ANGPT2: variants seen among roughly 807,000 people sequenced by gnomAD.
ANGPT2 encodes angiopoietin-2.
In ANGPT2, 28 loss-of-function variants were observed where a neutral mutation model predicts 62.9. That is an observed-to-expected ratio of 0.44 (90% CI 0.33 to 0.61). The LOEUF is 0.61. ANGPT2 is among the 20% of genes least tolerant of loss of function. The pLI is 0.03. For missense variants in ANGPT2, 727 were observed against 594.9 expected (o/e 1.22, Z -2.31); for synonymous variants, 284 against 207.8 (o/e 1.37, Z -3.15).
chr8:6,530,397 T>C (rs770185450), intron 2 of ANGPT2, among the ~76,000 whole-genome samples: 2 of 150,800 alleles, frequency 1.3e-5, no homozygotes, highest in Non-Finnish European at 2.9e-5. Flanking sequence ...TAATCCCAGC[T>C]ACGCGGGAGG....
intron 1 of ANGPT2, among the ~76,000 whole-genome samples, chr8:6,553,355 T>C (rs1563115881): frequency 6.6e-6 from 1 of 152,234 alleles, no homozygotes; most frequent in African/African-American, 2.4e-5. Flanking sequence ...ACTTTCAGAT[T>C]GCACCAGTAA....
chr8:6,520,477 C>T (rs1332495039), intron 4 of ANGPT2, among the ~76,000 whole-genome samples: 1 of 152,122 alleles, frequency 6.6e-6, no homozygotes, highest in East Asian at 1.9e-4. Flanking sequence ...CTTACCGCAT[C>T]CTCCTCCTCC....
At chr8:6,557,475 A>G (rs1295526252) in intron 1 of ANGPT2, among the ~76,000 whole-genome samples, 1 of 152,126 alleles carries the variant, frequency 6.6e-6, no homozygotes, top group Non-Finnish European at 1.5e-5. Flanking sequence ...TTATATCAGA[A>G]TAATTCTAGA....
chr8:6,552,091 G>A (rs1307557904), intron 1 of ANGPT2, among the ~76,000 whole-genome samples: 1 of 152,182 alleles, frequency 6.6e-6, no homozygotes, highest in African/African-American at 2.4e-5. Context: ...CAGAGGAAAT[G>A]GTACCTCTAA....
intron 5 of ANGPT2, among the ~76,000 whole-genome samples, chr8:6,516,102 G>C (rs1469353884): frequency 6.6e-6 from 1 of 152,138 alleles, no homozygotes; most frequent in African/African-American, 2.4e-5. Context: ...CTCATGTTTG[G>C]AAACATAGGT....
At chr8:6,541,843 A>G (rs1439298498) in intron 1 of ANGPT2, among the ~76,000 whole-genome samples, 1 of 152,074 alleles carries the variant, frequency 6.6e-6, no homozygotes, top group Non-Finnish European at 1.5e-5. Context: ...ATCTCTACAG[A>G]AAATTTTTTT....
intron 1 of ANGPT2, among the ~76,000 whole-genome samples, chr8:6,552,706 A>G (rs1823867931): frequency 6.6e-6 from 1 of 152,180 alleles, no homozygotes; most frequent in Non-Finnish European, 1.5e-5. Context: ...CTACAAGTTC[A>G]CTGATGTAGG....
chr8:6,538,473 G>C (rs1820910972), intron 1 of ANGPT2, among the ~76,000 whole-genome samples: 2 of 152,180 alleles, frequency 1.3e-5, no homozygotes, highest in African/African-American at 4.8e-5. Context: ...ATAAGGTCCA[G>C]ATTCCTTCTT....
intron 7 of ANGPT2, among the ~76,000 whole-genome samples, chr8:6,509,395 G>A (rs1435026706): frequency 6.6e-6 from 1 of 152,170 alleles, no homozygotes; most frequent in East Asian, 1.9e-4. Context: ...CCTCCTCCCA[G>A]GTCTCCAGTC....
At chr8:6,558,439 A>G (rs1825001223) in intron 1 of ANGPT2, among the ~76,000 whole-genome samples, 5 of 152,178 alleles carry the variant, frequency 3.3e-5, no homozygotes, top group African/African-American at 7.2e-5. Context: ...AATGTACAAA[A>G]TTTCAATTAT....
At chr8:6,517,527 T>C (rs963134176) in intron 5 of ANGPT2, among the ~76,000 whole-genome samples, 7 of 152,222 alleles carry the variant, frequency 4.6e-5, no homozygotes, top group Non-Finnish European at 1.0e-4. Flanking sequence ...AAAGATGTGC[T>C]CAAAGACCAA....
At chr8:6,558,073 C>G (rs1457989046) in intron 1 of ANGPT2, among the ~76,000 whole-genome samples, 2 of 152,256 alleles carry the variant, frequency 1.3e-5, no homozygotes, top group African/African-American at 2.4e-5. Context: ...AAATTTTGCT[C>G]TTTGTTCCTA....
At position 6,499,908 on chromosome 8, in the gene ANGPT2, TCA is replaced by T. The variant is rs1468423334; in HGVS notation, c.*3191_*3192del. ...TTTCTGAGGAGCCGTTCGAACTGTCTCACCACTTCCCTGCAGCTCCCGTAAGT... is the reference window on the plus strand; with the variant it reads ...TTTCTGAGGAGCCGTTCGAACTGTCTCCACTTCCCTGCAGCTCCCGTAAGT... On this transcript the variant is annotated 3_prime_UTR_variant, in exon 9 of 9. Transcript: ENST00000629816. 2 of 1,613,642 alleles carry T rather than the reference TCA, an allele frequency of 1.2e-6. No homozygotes were observed. The highest frequency in any genetic ancestry group is 3.3e-5 in the Admixed American group (2 of 59,998).
At chr8:6,533,752 C>G (rs1161852365) in intron 1 of ANGPT2, among the ~76,000 whole-genome samples, 1 of 151,800 alleles carries the variant, frequency 6.6e-6, no homozygotes, top group Admixed American at 6.6e-5. Context: ...CTGGTGCCCT[C>G]CTTTAAAAAC....
chr8:6,503,049 G>A lies in ANGPT2; in HGVS notation c.*52C>T, dbSNP rs908027910. On this transcript the variant is annotated 3_prime_UTR_variant, in exon 9 of 9. Coordinates refer to ENST00000629816, the MANE Select transcript of ANGPT2 (RefSeq NM_001118887.2). ...GCAGCCGTGACTTTCAGTGCACTGG[G>A]CTTAAGTCTTTGAAAATAGTTCGAG... 10 of 1,604,840 alleles carry A rather than the reference G, an allele frequency of 6.2e-6. No homozygotes were observed. The African/African-American group carries it at 9.4e-5, about 15-fold the overall frequency.
rs1048628513 is a variant in ANGPT2 at position 6,500,920 on chromosome 8, T to C, written c.*2181A>G. 6.6e-6 allele frequency: 1 copy of C among 152,250 alleles called. No homozygotes were observed. Among genetic ancestry groups the C allele is most frequent in the African/African-American group, 2.4e-5 (1 of 41,466 alleles). 9.4% of individuals were successfully genotyped at this position (152,250 alleles called of 1,614,324 possible). Reference sequence around the variant, plus strand: ...ATATAAATTGTGTTGTTGCCAGTTTTTCCTGCATTAGCGTTTCCCTACCTA... The same window carrying C: ...ATATAAATTGTGTTGTTGCCAGTTTCTCCTGCATTAGCGTTTCCCTACCTA... On this transcript the variant is annotated 3_prime_UTR_variant, in exon 9 of 9. Transcript: ENST00000629816.
Position 6,501,933 on chromosome 8 carries a change from T to G in ANGPT2, c.*1168A>C, listed in dbSNP as rs1325390310. Reference sequence around the variant, plus strand: ...TTGTTTTTGCACTTTGAAACCCTTTTTTTTTTTTCAGTTTGCTGATTGACA... The same window carrying G: ...TTGTTTTTGCACTTTGAAACCCTTTGTTTTTTTTCAGTTTGCTGATTGACA... On this transcript the variant is annotated 3_prime_UTR_variant, in exon 9 of 9. Coordinates refer to ENST00000629816, the MANE Select transcript of ANGPT2 (RefSeq NM_001118887.2). The G allele has an allele frequency of 6.6e-6, 1 of 152,026 alleles. No individual in the cohort carries two copies. The allele number at this position is 152,026 out of a possible 1,614,324, so 9.4% of individuals were successfully genotyped here.
chr8:6,543,632 G>A (rs1281399706), intron 1 of ANGPT2, among the ~76,000 whole-genome samples: 1 of 152,192 alleles, frequency 6.6e-6, no homozygotes, highest in Non-Finnish European at 1.5e-5. Flanking sequence ...TCATAAAGCT[G>A]TAGGTGCAGC....
At chr8:6,530,762 G>A (rs73507120) in intron 2 of ANGPT2, among the ~76,000 whole-genome samples, 1 of 152,242 alleles carries the variant, frequency 6.6e-6, no homozygotes, top group African/African-American at 2.4e-5. Context: ...TTATCTGTAA[G>A]TCTTTTGTTA....
Sources: gnomAD v4.1 joint callset for allele counts (sites outside exome capture counted in the v4.1 genomes callset) on GRCh38, gnomAD v4.1.1 for gene constraint, MANE v1.5 for transcripts, NCBI Gene and HGNC (gene_info 2026-07-23, HGNC 2026-07-21) for gene names.